SESTD1: variants seen among roughly 807,000 people sequenced by gnomAD.
SESTD1 encodes the protein SEC14 and spectrin domain containing 1.
SESTD1 carries 43 observed loss-of-function variants against 101.7 expected under a neutral mutation model. That is an observed-to-expected ratio of 0.42 (90% CI 0.33 to 0.55). The LOEUF is 0.55. Among genes scored for constraint, SESTD1 ranks in the 20% least tolerant of loss-of-function variants. The pLI is 0.07. For synonymous variants in SESTD1, 283 were observed against 286.8 expected (o/e 0.99, Z 0.13); for missense variants, 647 against 815.1 (o/e 0.79, Z 2.51).
rs116647042 is a variant in SESTD1, at chr2:179,136,074, G to A, written c.850-3648C>T. ...CACGAAAGAGACAGGTAAGCAGTGC[G>A]ATATAAAGAAAGCCCTAGCCATGAT... On this transcript the variant is annotated intron_variant, in intron 9 of 17. Coordinates refer to ENST00000428443, the MANE Select transcript of SESTD1 (RefSeq NM_178123.5). Among the ~76,000 whole-genome samples the A allele has an allele frequency of 5.1e-3, 774 of 152,252 alleles. 1 individual carries two copies. The highest frequency in any genetic ancestry group is 0.018 in the African/African-American group (743 of 41,544).
intron 1 of SESTD1, among the ~76,000 whole-genome samples, chr2:179,232,246 C>A (rs200574591): frequency 6.6e-6 from 1 of 151,336 alleles, no homozygotes. Context: ...ATACATTTTC[C>A]AAAAAAAGAT....
chr2:179,180,824 C>T (rs1191144900), intron 3 of SESTD1, among the ~76,000 whole-genome samples: 1 of 152,140 alleles, frequency 6.6e-6, no homozygotes, highest in Non-Finnish European at 1.5e-5. Flanking sequence ...AGATCAAAAA[C>T]ACCTTAGCTC....
chr2:179,149,674 T>A (rs1394314785), intron 6 of SESTD1, among the ~76,000 whole-genome samples: 1 of 152,190 alleles, frequency 6.6e-6, no homozygotes, highest in African/African-American at 2.4e-5. Flanking sequence ...TTGAGAAACA[T>A]TTGCATCGAT....
chr2:179,250,264 C>A (rs985938965), intron 1 of SESTD1, among the ~76,000 whole-genome samples: 1 of 152,104 alleles, frequency 6.6e-6, no homozygotes, highest in East Asian at 1.9e-4. Flanking sequence ...ATGACAAGCA[C>A]ATGAAAAGAT....
intron 15 of SESTD1, 144 bp downstream of exon 15, chr2:179,116,524 C>T: frequency 1.5e-6 from 2 of 1,312,400 alleles, no homozygotes; most frequent in East Asian, 4.7e-5. Flanking sequence ...TTTGATGCAC[C>T]AGCTGACATT....
chr2:179,116,907 A>C (rs542390742), intron 14 of SESTD1, 117 bp from the exon 15 acceptor site: 1 of 1,318,402 alleles, frequency 7.6e-7, no homozygotes, highest in Non-Finnish European at 1.0e-6. Flanking sequence ...ATTATAACCT[A>C]AAGTCTTAAA....
chr2:179,194,497 G>A (rs2046361771), intron 1 of SESTD1, among the ~76,000 whole-genome samples: 1 of 152,094 alleles, frequency 6.6e-6, no homozygotes, highest in African/African-American at 2.4e-5. Flanking sequence ...GGCAGGACAT[G>A]TATATTATTT....
At chr2:179,227,919 A>G (rs2046913974) in intron 1 of SESTD1, among the ~76,000 whole-genome samples, 1 of 152,178 alleles carries the variant, frequency 6.6e-6, no homozygotes, top group Non-Finnish European at 1.5e-5. Context: ...CAGTACCTTA[A>G]GAGGACCTGG....
intron 2 of SESTD1, among the ~76,000 whole-genome samples, chr2:179,188,610 C>T (rs946526816): frequency 6.6e-6 from 1 of 152,018 alleles, no homozygotes; most frequent in African/African-American, 2.4e-5. Flanking sequence ...CTGATCTCCA[C>T]CCTAGACTGA....
intron 1 of SESTD1, among the ~76,000 whole-genome samples, chr2:179,249,890 C>CAAAAAA (rs60865157): frequency 9.0e-6 from 1 of 111,398 alleles, no homozygotes. Context: ...TATCCACAGG[C>CAAAAAA]AAAAAAAAAA....
At position 179,192,875 on chromosome 2, in the gene SESTD1, A is replaced by G. The variant is rs2046338247; in HGVS notation, c.-25-1009T>C. ...ATCCCTTCCTCCCCTATCCCATCTC[A>G]CACCCACCCACCATCACAACACAGA... On this transcript the variant is annotated intron_variant, in intron 1 of 17. Transcript: ENST00000428443. 2.0e-5 allele frequency among the ~76,000 whole-genome samples: 3 copies of G among 152,248 alleles called. No homozygotes were observed. The Middle Eastern group carries it at 0.01, about 518-fold the overall frequency.
At chr2:179,138,900 A>C (rs1037651611) in intron 9 of SESTD1, among the ~76,000 whole-genome samples, 27 of 130,758 alleles carry the variant, frequency 2.1e-4, no homozygotes, top group African/African-American at 7.5e-4. Flanking sequence ...AAAAAAAAAA[A>C]TCCTTCCACA....
intron 1 of SESTD1, among the ~76,000 whole-genome samples, chr2:179,237,201 A>G (rs1023450718): frequency 8.9e-5 from 13 of 145,456 alleles, no homozygotes; most frequent in Admixed American, 5.6e-4. Flanking sequence ...ATCAGTAAAG[A>G]CATGATAATC....
At chr2:179,154,752 AAG>A (rs1256492519) in intron 5 of SESTD1, among the ~76,000 whole-genome samples, 9 of 152,340 alleles carry the variant, frequency 5.9e-5, no homozygotes, top group Non-Finnish European at 2.9e-5. Flanking sequence ...GTATACGAGA[AAG>A]AGAAGTTAAG....
At chr2:179,118,781 T>C (rs1299756569) in intron 13 of SESTD1, among the ~76,000 whole-genome samples, 3 of 152,196 alleles carry the variant, frequency 2.0e-5, no homozygotes, top group Non-Finnish European at 4.4e-5. Context: ...GTCTCTACTA[T>C]CAAGATGCTC....
At chr2:179,177,760 A>G (rs1194125992) in intron 3 of SESTD1, among the ~76,000 whole-genome samples, 1 of 152,260 alleles carries the variant, frequency 6.6e-6, no homozygotes, top group Non-Finnish European at 1.5e-5. Flanking sequence ...TTCACAGCAG[A>G]ATAATTCATA....
At position 179,141,034 on chromosome 2, in the gene SESTD1, G is replaced by A. The variant is rs116439169; in HGVS notation, c.849+2558C>T. Among the ~76,000 whole-genome samples the A allele has an allele frequency of 4.6e-3, 694 of 152,068 alleles. 1 individual carries two copies. Among genetic ancestry groups the A allele is most frequent in the African/African-American group, 0.016 (660 of 41,466 alleles). ...TCTTACCTCTCTCAACTTTCTCTTC[G>A]GACAATTTTCAATCACATCAATGCT... On this transcript the variant is annotated intron_variant, in intron 9 of 17. Coordinates refer to ENST00000428443, the MANE Select transcript of SESTD1 (RefSeq NM_178123.5).
chr2:179,257,070 T>A (rs867942663), intron 1 of SESTD1, among the ~76,000 whole-genome samples: 2 of 152,058 alleles, frequency 1.3e-5, no homozygotes, highest in Non-Finnish European at 2.9e-5. Flanking sequence ...AAATCTTTCA[T>A]GAGAAGAAGA....
At chr2:179,220,982 A>G (rs1247104250) in intron 1 of SESTD1, among the ~76,000 whole-genome samples, 1 of 152,190 alleles carries the variant, frequency 6.6e-6, no homozygotes, top group Non-Finnish European at 1.5e-5. Context: ...CATAATTGGC[A>G]TAACAAATTA....
Sources: allele counts gnomAD v4.1 joint callset (sites outside exome capture counted in the v4.1 genomes callset), GRCh38; gene constraint gnomAD v4.1.1; transcripts MANE v1.5; gene names NCBI Gene and HGNC (gene_info 2026-07-23, HGNC 2026-07-21).